WASF3: variants seen among roughly 807,000 people sequenced by gnomAD.
The protein encoded by WASF3 is WASP family member 3.
WASF3 carries 11 observed loss-of-function variants against 46.6 expected under a neutral mutation model. The observed-to-expected ratio is 0.24, with a 90% CI of 0.15 to 0.39. The LOEUF is 0.39. Ranked by LOEUF, WASF3 falls within the 10% of genes least tolerant of loss-of-function variation. The pLI, the probability that WASF3 is intolerant of heterozygous loss-of-function variation, is 1.00. For missense variants in WASF3, 576 were observed against 669.8 expected (o/e 0.86, Z 1.55); for synonymous variants, 242 against 259.7 (o/e 0.93, Z 0.65).
At chr13:26,607,796 T>A (rs1880846003) in intron 1 of WASF3, among the ~76,000 whole-genome samples, 1 of 152,076 alleles carries the variant, frequency 6.6e-6, no homozygotes, top group Non-Finnish European at 1.5e-5. Context: ...CCCCCATGCC[T>A]AGCTAATTTT....
chr13:26,578,081 T>A, intron 1 of WASF3, among the ~76,000 whole-genome samples: 1 of 152,212 alleles, frequency 6.6e-6, no homozygotes, highest in East Asian at 1.9e-4. Flanking sequence ...CAATTTTACC[T>A]CTTTTCCAAT....
At chr13:26,604,910 CAG>C (rs1322619303) in intron 1 of WASF3, among the ~76,000 whole-genome samples, 4 of 152,164 alleles carry the variant, frequency 2.6e-5, no homozygotes, top group East Asian at 1.9e-4. Context: ...TTTTTTAGAA[CAG>C]GGGAGTTTTA....
At chr13:26,660,170 T>C (rs1372162665) in intron 3 of WASF3, among the ~76,000 whole-genome samples, 1 of 145,164 alleles carries the variant, frequency 6.9e-6, no homozygotes, top group Non-Finnish European at 1.5e-5. Context: ...GAAGCAGAAG[T>C]AATTAGCTTT....
intron 1 of WASF3, among the ~76,000 whole-genome samples, chr13:26,600,907 G>C (rs1021566286): frequency 6.6e-6 from 1 of 152,064 alleles, no homozygotes; most frequent in Non-Finnish European, 1.5e-5. Context: ...ATATAGTCAG[G>C]GTGATTTCTT....
intron 1 of WASF3, among the ~76,000 whole-genome samples, chr13:26,610,945 A>G (rs764255523): frequency 2.0e-5 from 3 of 152,032 alleles, no homozygotes; most frequent in Non-Finnish European, 4.4e-5. Flanking sequence ...CTTATGTTAG[A>G]AATGTTAGCA....
At chr13:26,672,515 G>A (rs1200004933) in intron 6 of WASF3, among the ~76,000 whole-genome samples, 5 of 152,140 alleles carry the variant, frequency 3.3e-5, no homozygotes, top group Non-Finnish European at 7.3e-5. Context: ...TGAAGGTTGA[G>A]AAATATCTGC....
chr13:26,622,511 A>G (rs1788957229), intron 2 of WASF3: 1 of 152,186 alleles, frequency 6.6e-6, no homozygotes, highest in Non-Finnish European at 1.5e-5. Context: ...ATCCATGTTA[A>G]TAGAGTAGTG....
At chr13:26,642,625 T>TCTA (rs1418069408) in intron 3 of WASF3, among the ~76,000 whole-genome samples, 4 of 152,222 alleles carry the variant, frequency 2.6e-5, no homozygotes, top group African/African-American at 7.2e-5. Context: ...TCACAAATTA[T>TCTA]TAGATGAGAT....
At chr13:26,678,620 A>G (rs1883134917) in intron 7 of WASF3, among the ~76,000 whole-genome samples, 1 of 152,118 alleles carries the variant, frequency 6.6e-6, no homozygotes, top group Non-Finnish European at 1.5e-5. Flanking sequence ...TGTATATGCT[A>G]TTATATAAGT....
At chr13:26,594,516 A>G (rs537634791) in intron 1 of WASF3, among the ~76,000 whole-genome samples, 1 of 152,282 alleles carries the variant, frequency 6.6e-6, no homozygotes, top group South Asian at 2.1e-4. Context: ...TCCTGGCTGC[A>G]GCAGTGGCCT....
intron 7 of WASF3, among the ~76,000 whole-genome samples, chr13:26,677,324 T>C (rs1883096081): frequency 6.6e-6 from 1 of 152,264 alleles, no homozygotes; most frequent in Non-Finnish European, 1.5e-5. Flanking sequence ...TAAGTCACAC[T>C]TGTCACCAAA....
At chr13:26,613,583 C>G (rs1423100669) in intron 2 of WASF3, among the ~76,000 whole-genome samples, 1 of 152,126 alleles carries the variant, frequency 6.6e-6, no homozygotes, top group Non-Finnish European at 1.5e-5. Flanking sequence ...TCCTGGCTAA[C>G]ACAGTGAAAG....
chr13:26,673,458 A>G (rs1229471312), intron 6 of WASF3, among the ~76,000 whole-genome samples: 1 of 152,178 alleles, frequency 6.6e-6, no homozygotes, highest in Non-Finnish European at 1.5e-5. Context: ...ACCCTCATGG[A>G]GAGGACAATA....
At chr13:26,601,959 A>C (rs1880654561) in intron 1 of WASF3, among the ~76,000 whole-genome samples, 1 of 152,164 alleles carries the variant, frequency 6.6e-6, no homozygotes, top group African/African-American at 2.4e-5. Flanking sequence ...GACAGGGAGC[A>C]TGTTTTGCTT....
At chr13:26,620,483 C>T (rs1266665396) in intron 2 of WASF3, 1 of 152,040 alleles carries the variant, frequency 6.6e-6, no homozygotes, top group East Asian at 1.9e-4. Context: ...GAACATAACA[C>T]AGAGCATAAA....
intron 7 of WASF3, among the ~76,000 whole-genome samples, chr13:26,678,238 T>C (rs1883123130): frequency 6.6e-6 from 1 of 152,220 alleles, no homozygotes; most frequent in Non-Finnish European, 1.5e-5. Context: ...TGTATTGGAT[T>C]ATAACCCTTA....
chr13:26,588,100 A>G (rs1362916209), intron 1 of WASF3, among the ~76,000 whole-genome samples: 1 of 152,228 alleles, frequency 6.6e-6, no homozygotes, highest in Non-Finnish European at 1.5e-5. Context: ...CTATTAAATA[A>G]CTGTAAATAA....
Position 26,687,785 on chromosome 13 carries a change from C to T in WASF3, c.*1940C>T, listed in dbSNP as rs1883458024. On this transcript the variant is annotated 3_prime_UTR_variant, in exon 10 of 10. Transcript: ENST00000335327. ...TACATTGGCGCTATTCTTAGGACTTCTGCAACTTTTAAAGTCTTACTTGTC... is the reference window on the plus strand; with the variant it reads ...TACATTGGCGCTATTCTTAGGACTTTTGCAACTTTTAAAGTCTTACTTGTC... 6.9e-6 allele frequency: 1 copy of T among 144,256 alleles called. No individual in the cohort carries two copies. Among genetic ancestry groups the T allele is most frequent in the Non-Finnish European group, 1.5e-5 (1 of 66,288 alleles). The allele number at this position is 144,256 out of a possible 1,614,324, so 8.9% of individuals were successfully genotyped here. A position where few individuals can be genotyped will look rare whatever the true frequency, so the allele number is the denominator to read the frequency against.
At chr13:26,668,053 G>A (rs1476949698) in intron 5 of WASF3, among the ~76,000 whole-genome samples, 2 of 152,036 alleles carry the variant, frequency 1.3e-5, no homozygotes, top group African/African-American at 4.8e-5. Context: ...CAAAATACCT[G>A]TTTCAGCACT....
Sources: allele counts gnomAD v4.1 joint callset (sites outside exome capture counted in the v4.1 genomes callset), GRCh38; gene constraint gnomAD v4.1.1; transcripts MANE v1.5; gene names NCBI Gene and HGNC (gene_info 2026-07-23, HGNC 2026-07-21).